RBFOX1: variants seen among roughly 807,000 people sequenced by gnomAD.
RBFOX1 encodes RNA binding fox-1 homolog 1.
A neutral mutation model predicts 57.7 loss-of-function variants in RBFOX1; 8 were observed. That is an observed-to-expected ratio of 0.14 (90% CI 0.08 to 0.25). The LOEUF is 0.25. Among genes scored for constraint, RBFOX1 ranks in the 10% least tolerant of loss-of-function variants. The pLI, the probability that RBFOX1 is intolerant of heterozygous loss-of-function variation, is 1.00. For synonymous variants in RBFOX1, 326 were observed against 222.4 expected, an observed-to-expected ratio of 1.47 and a Z score of -4.15; for missense variants, 611 against 548.5, an observed-to-expected ratio of 1.11 and a Z score of -1.14.
chr16:5,408,076 TA>T (rs141133707), intron 1 of RBFOX1, among the ~76,000 whole-genome samples: 23,245 of 152,242 alleles, frequency 0.15, 1,870 homozygotes, highest in Middle Eastern at 0.21. Context: ...GTTGCTTATT[TA>T]AAGGTAGTGA....
intron 1 of RBFOX1, among the ~76,000 whole-genome samples, chr16:6,187,171 C>T (rs2097110566): frequency 6.6e-6 from 1 of 152,058 alleles, no homozygotes. Context: ...TCATACAAAG[C>T]CCTGATGCTT....
intron 4 of RBFOX1, among the ~76,000 whole-genome samples, chr16:7,503,359 G>T (rs1324296995): frequency 6.6e-6 from 1 of 152,132 alleles, no homozygotes; most frequent in African/African-American, 2.4e-5. Context: ...TGTCACATTC[G>T]ATCGATCAAT....
At chr16:6,682,383 G>C (rs528697227) in intron 3 of RBFOX1, among the ~76,000 whole-genome samples, 210 of 152,054 alleles carry the variant, frequency 1.4e-3, no homozygotes, top group African/African-American at 4.9e-3. Context: ...GAAGCCGATT[G>C]CCCCTTCTTG....
At chr16:5,389,190 C>G (rs1476994051) in intron 1 of RBFOX1, among the ~76,000 whole-genome samples, 1 of 100,876 alleles carries the variant, frequency 9.9e-6, no homozygotes, top group African/African-American at 4.1e-5. Context: ...GACTCCGTCT[C>G]AAAAATAAAT....
intron 3 of RBFOX1, among the ~76,000 whole-genome samples, chr16:6,997,215 G>C (rs2092334857): frequency 6.6e-6 from 1 of 152,056 alleles, no homozygotes; most frequent in Non-Finnish European, 1.5e-5. Context: ...GGTTTCTTAA[G>C]AGATGGTAAG....
At chr16:6,747,492 C>T (rs534178102) in intron 3 of RBFOX1, among the ~76,000 whole-genome samples, 1 of 151,606 alleles carries the variant, frequency 6.6e-6, no homozygotes, top group Non-Finnish European at 1.5e-5. Context: ...ATCTGTCTAT[C>T]TGTCTTACTG....
At chr16:6,454,031 C>G (rs973109225) in intron 2 of RBFOX1, among the ~76,000 whole-genome samples, 73 of 152,316 alleles carry the variant, frequency 4.8e-4, no homozygotes, top group African/African-American at 1.7e-3. Flanking sequence ...GCCGTCTTCT[C>G]TCTGGGTTTT....
intron 2 of RBFOX1, among the ~76,000 whole-genome samples, chr16:6,542,064 G>C (rs1481885823): frequency 6.6e-6 from 1 of 151,848 alleles, no homozygotes; most frequent in Non-Finnish European, 1.5e-5. Context: ...GAGTAGCTGG[G>C]ACTACAGGTG....
chr16:5,484,418 C>G (rs1026692101), intron 2 of RBFOX1, among the ~76,000 whole-genome samples: 1 of 152,230 alleles, frequency 6.6e-6, no homozygotes, highest in African/African-American at 2.4e-5. Flanking sequence ...TCAGAAGTCA[C>G]AGGATTTTTC....
intron 5 of RBFOX1, among the ~76,000 whole-genome samples, chr16:7,564,540 C>CAAAAAAAAAAAAAAAAAAAAAAAAAAA (rs5815409): frequency 1.2e-5 from 1 of 82,518 alleles, no homozygotes. Flanking sequence ...GACTCCATCT[C>CAAAAAAAAAAAAAAAAAAAAAAAAAAA]AAAAAAAAAA....
intron 1 of RBFOX1, among the ~76,000 whole-genome samples, chr16:5,411,286 A>G (rs1362640991): frequency 6.6e-6 from 1 of 152,204 alleles, no homozygotes; most frequent in East Asian, 1.9e-4. Context: ...ATCCTGGATT[A>G]CCTGGGTGAG....
intron 1 of RBFOX1, among the ~76,000 whole-genome samples, chr16:6,300,756 A>C (rs796804924): frequency 2.0e-5 from 3 of 152,260 alleles, no homozygotes; most frequent in African/African-American, 7.2e-5. Context: ...ATGCATTATC[A>C]CAGTTGCCAC....
intron 2 of RBFOX1, among the ~76,000 whole-genome samples, chr16:6,527,314 TAA>T (rs1317072219): frequency 6.6e-6 from 1 of 152,164 alleles, no homozygotes; most frequent in Non-Finnish European, 1.5e-5. Flanking sequence ...AGGTATATAC[TAA>T]GAGGGGTGTG....
intron 2 of RBFOX1, among the ~76,000 whole-genome samples, chr16:6,395,015 T>G (rs569271037): frequency 6.6e-6 from 1 of 152,212 alleles, no homozygotes; most frequent in Non-Finnish European, 1.5e-5. Context: ...TCAGGGAAAT[T>G]AAATGGCTGG....
At chr16:6,705,154 G>C (rs555063911) in intron 3 of RBFOX1, 1 of 152,324 alleles carries the variant, frequency 6.6e-6, no homozygotes, top group African/African-American at 2.4e-5. Flanking sequence ...TCAGTGAGAT[G>C]AGCGTGGCAG....
intron 1 of RBFOX1, among the ~76,000 whole-genome samples, chr16:6,213,386 C>T (rs1259386495): frequency 3.3e-5 from 5 of 152,078 alleles, no homozygotes; most frequent in African/African-American, 7.2e-5. Flanking sequence ...TCTGAAGCTT[C>T]TCTTAGCCCC....
intron 4 of RBFOX1, among the ~76,000 whole-genome samples, chr16:5,879,433 G>A (rs112451307): frequency 3.9e-5 from 6 of 152,156 alleles, no homozygotes; most frequent in East Asian, 1.9e-4. Context: ...CAGGTTCAAC[G>A]ATTCTCCTGC....
rs539944874 is a variant in RBFOX1 at position 6,414,618 on chromosome 16, C to T, written c.-64+97561C>T. Among the ~76,000 whole-genome samples, 57 of 152,290 alleles carry T rather than the reference C, an allele frequency of 3.7e-4. 1 individual carries two copies. The South Asian group carries it at 4.1e-3, about 11-fold the overall frequency. Reference sequence around the variant, plus strand: ...CATTCGATTCAAGCTTATATCCCACCCAAATATCTAGCACCATGTCTGGAA... The same window carrying T: ...CATTCGATTCAAGCTTATATCCCACTCAAATATCTAGCACCATGTCTGGAA... On this transcript the variant is annotated intron_variant, in intron 2 of 15. Transcript: ENST00000550418.
intron 1 of RBFOX1, among the ~76,000 whole-genome samples, chr16:6,125,437 T>A (rs900907400): frequency 4.6e-5 from 7 of 152,180 alleles, no homozygotes; most frequent in African/African-American, 1.7e-4. Flanking sequence ...CTGCTTTGGG[T>A]ACATGGCTAG....
Sources: allele counts gnomAD v4.1 joint callset (sites outside exome capture counted in the v4.1 genomes callset), GRCh38; gene constraint gnomAD v4.1.1; transcripts MANE v1.5; gene names NCBI Gene and HGNC (gene_info 2026-07-23, HGNC 2026-07-21).